Variants in UCHL3 observed in about 807,000 individuals in gnomAD.
UCHL3 encodes ubiquitin carboxyl-terminal hydrolase isozyme L3.
Under a neutral mutation model 35.8 loss-of-function variants are expected in UCHL3, and 22 were observed. That is an observed-to-expected ratio of 0.61 (90% CI 0.44 to 0.88). The LOEUF is 0.88. UCHL3 is among the 40% of genes least tolerant of loss of function. The pLI, the probability that UCHL3 is intolerant of heterozygous loss-of-function variation, is 0.00. For missense variants in UCHL3, 229 were observed against 276.9 expected (o/e 0.83, Z 1.23); for synonymous variants, 90 against 92.8 (o/e 0.97, Z 0.17).
chr13:75,570,926 A>G (rs1052800435), intron 6 of UCHL3, among the ~76,000 whole-genome samples: 1 of 152,042 alleles, frequency 6.6e-6, no homozygotes, highest in Non-Finnish European at 1.5e-5. Context: ...AAATATATAT[A>G]TATATTGGTT....
intron 3 of UCHL3, among the ~76,000 whole-genome samples, chr13:75,563,235 G>A (rs1309351608): frequency 6.6e-6 from 1 of 152,174 alleles, no homozygotes; most frequent in Non-Finnish European, 1.5e-5. Context: ...GAGTGCAGTG[G>A]TGCGATCTCA....
chr13:75,590,237 C>T (rs1380624661), intron 6 of UCHL3: 3 of 1,190,822 alleles, frequency 2.5e-6, no homozygotes, highest in African/African-American at 3.2e-5. Context: ...GTTCACTCAA[C>T]CATTAGCTTT....
rs544868901 is a variant in UCHL3 at position 75,581,097 on chromosome 13, CCA to C, written c.474+11593_474+11594del. Among the ~76,000 whole-genome samples, 686 of 152,122 alleles carry C rather than the reference CCA, an allele frequency of 4.5e-3. 5 individuals carry two copies. Among genetic ancestry groups the C allele is most frequent in the Non-Finnish European group, 6.6e-3 (447 of 68,006 alleles). On this transcript the variant is annotated intron_variant, in intron 6 of 8. Coordinates refer to ENST00000377595, the MANE Select transcript of UCHL3 (RefSeq NM_006002.5). ...ACCGGAAATCTTACCCATAAACCAG[CCA>C]CAGTCTTTTGGTAATCATGTTAGGT...
At chr13:75,597,707 G>A (rs560826907) in intron 7 of UCHL3, among the ~76,000 whole-genome samples, 2 of 152,278 alleles carry the variant, frequency 1.3e-5, no homozygotes, top group African/African-American at 4.8e-5. Flanking sequence ...TGGGGCCGGT[G>A]TCCTGGAACC....
At chr13:75,576,325 G>T (rs182198937) in intron 6 of UCHL3, among the ~76,000 whole-genome samples, 240 of 152,226 alleles carry the variant, frequency 1.6e-3, no homozygotes, top group African/African-American at 5.5e-3. Context: ...TGCCTCCCAG[G>T]TTCAAGCAAT....
intron 6 of UCHL3, among the ~76,000 whole-genome samples, chr13:75,571,056 T>C (rs1159503480): frequency 1.3e-5 from 2 of 152,208 alleles, no homozygotes; most frequent in African/African-American, 4.8e-5. Context: ...AATGAAATGC[T>C]GTTTTGTATT....
At chr13:75,591,884 C>T (rs1034270956) in intron 6 of UCHL3, among the ~76,000 whole-genome samples, 1 of 151,994 alleles carries the variant, frequency 6.6e-6, no homozygotes, top group African/African-American at 2.4e-5. Flanking sequence ...TTAGACTTAC[C>T]TGGTTGAGTA....
At chr13:75,550,275 C>T (rs2031038003) in intron 2 of UCHL3, among the ~76,000 whole-genome samples, 1 of 152,134 alleles carries the variant, frequency 6.6e-6, no homozygotes, top group Non-Finnish European at 1.5e-5. Flanking sequence ...TATTCCTATT[C>T]CCCTTCCTTC....
At chr13:75,580,551 T>A (rs950576749) in intron 6 of UCHL3, among the ~76,000 whole-genome samples, 1 of 151,856 alleles carries the variant, frequency 6.6e-6, no homozygotes, top group African/African-American at 2.4e-5. Flanking sequence ...GGTCTTGTCC[T>A]CTCCCTCTCC....
Position 75,566,685 on chromosome 13 carries a change from T to C in UCHL3, c.184-10T>C, listed in dbSNP as rs760051255. On this transcript the variant is annotated splice_polypyrimidine_tract_variant and intron_variant, in intron 3 of 8. Transcript: ENST00000377595. Reference sequence around the variant, plus strand: ...CCACAAATACACTGTTGACTTTTTTTTTTTAATAGTATGAAGTATTCAGAA... The same window carrying C: ...CCACAAATACACTGTTGACTTTTTTCTTTTAATAGTATGAAGTATTCAGAA... 7.6e-6 allele frequency: 11 copies of C among 1,449,402 alleles called. No individual in the cohort carries two copies. Among genetic ancestry groups the C allele is most frequent in the Non-Finnish European group, 1.0e-5 (11 of 1,091,228 alleles). 89.8% of individuals were successfully genotyped at this position (1,449,402 alleles called of 1,614,324 possible). A position where few individuals can be genotyped will look rare whatever the true frequency, so the allele number is the denominator to read the frequency against.
At chr13:75,588,282 T>A (rs2032382035) in intron 6 of UCHL3, among the ~76,000 whole-genome samples, 1 of 152,152 alleles carries the variant, frequency 6.6e-6, no homozygotes, top group South Asian at 2.1e-4. Flanking sequence ...TATTTCCCTC[T>A]CTAGATTCTT....
At chr13:75,582,864 C>T (rs1395372119) in intron 6 of UCHL3, among the ~76,000 whole-genome samples, 2 of 152,184 alleles carry the variant, frequency 1.3e-5, no homozygotes, top group Non-Finnish European at 2.9e-5. Flanking sequence ...TTTTACGTTT[C>T]CATAATAGCA....
In UCHL3 at chr13:75,597,784, A is replaced by T. The variant is rs193002526; in HGVS notation, c.550+2794A>T. Among the ~76,000 whole-genome samples, 4 of 152,294 alleles carry T rather than the reference A, an allele frequency of 2.6e-5. No individual in the cohort carries two copies. The East Asian group carries it at 7.7e-4, about 29-fold the overall frequency. On this transcript the variant is annotated intron_variant, in intron 7 of 8. Transcript: ENST00000377595. ...TAAAAATAAGGCTGTATGATTGTAG[A>T]CATTGTGCAAGTTAATTTCTATAGG...
chr13:75,583,766 A>G (rs1029904147), intron 6 of UCHL3, among the ~76,000 whole-genome samples: 1 of 152,248 alleles, frequency 6.6e-6, no homozygotes, highest in Non-Finnish European at 1.5e-5. Context: ...AAAATGATGT[A>G]GAGATATACT....
intron 2 of UCHL3, among the ~76,000 whole-genome samples, chr13:75,559,281 C>G (rs1311520705): frequency 3.3e-5 from 5 of 149,630 alleles, no homozygotes; most frequent in Non-Finnish European, 5.9e-5. Context: ...ACCTCGTGAT[C>G]CACCCGCCTC....
chr13:75,592,858 TGTA>T (rs1356966244), intron 6 of UCHL3, among the ~76,000 whole-genome samples: 6 of 152,136 alleles, frequency 3.9e-5, no homozygotes, highest in African/African-American at 1.4e-4. Flanking sequence ...TTTGCAATAA[TGTA>T]GTATTGTTAT....
At chr13:75,559,251 AG>A (rs1366582193) in intron 2 of UCHL3, among the ~76,000 whole-genome samples, 1 of 151,712 alleles carries the variant, frequency 6.6e-6, no homozygotes, top group Non-Finnish European at 1.5e-5. Flanking sequence ...CGTATTAGCC[AG>A]GATGGTCTCG....
intron 6 of UCHL3, among the ~76,000 whole-genome samples, chr13:75,572,057 T>C (rs1269851967): frequency 4.0e-5 from 6 of 151,686 alleles, no homozygotes; most frequent in Admixed American, 2.0e-4. Context: ...CCTTCCTTTC[T>C]TTCCTTCCTT....
At chr13:75,598,816 G>A (rs2032707086) in intron 7 of UCHL3, among the ~76,000 whole-genome samples, 1 of 152,042 alleles carries the variant, frequency 6.6e-6, no homozygotes, top group Non-Finnish European at 1.5e-5. Context: ...TCCAGATTTT[G>A]CATCCATTGA....
Sources: allele counts gnomAD v4.1 joint callset (sites outside exome capture counted in the v4.1 genomes callset), GRCh38; gene constraint gnomAD v4.1.1; transcripts MANE v1.5; gene names NCBI Gene and HGNC (gene_info 2026-07-23, HGNC 2026-07-21).